ZNF696: variants seen among roughly 807,000 people sequenced by gnomAD.
ZNF696 encodes the protein zinc finger protein 696.
Under a neutral mutation model 12.3 loss-of-function variants are expected in ZNF696, and 10 were observed. The observed-to-expected ratio is 0.81, with a 90% CI of 0.50 to 1.38. ZNF696 has a LOEUF of 1.38. Ranked by LOEUF, ZNF696 falls within the 40% of genes most tolerant of loss-of-function variation. ZNF696 has a pLI of 0.00. For missense variants in ZNF696, 675 were observed against 554.7 expected (o/e 1.22, Z -2.18); for synonymous variants, 304 against 243.9 (o/e 1.25, Z -2.29).
In ZNF696 at chr8:143,296,467, G is replaced by A. The variant is rs761289916; in HGVS notation, c.792G>A (p.Pro264=). 6 of 1,603,774 alleles carry A rather than the reference G, an allele frequency of 3.7e-6. No homozygotes were observed. The highest frequency in any genetic ancestry group is 5.1e-6 in the Non-Finnish European group (6 of 1,177,690). ...GGCGGACCCACCACGGGGAGAACCC[G>A]TACGAGTGCCGGGAGTGCGGCCAGG... The part of the protein sequence containing the change: ...RHRRTHHGEN[P]YECRECGQAF... The change falls in exon 3 of 3, where the codon CCG becomes CCA. Residue 264 remains proline, a synonymous_variant. Transcript: ENST00000330143.
chr8:143,295,580 T>TA (rs941977241), intron 2 of ZNF696, 160 bp from the exon 3 acceptor site: 142 of 825,492 alleles, frequency 1.7e-4, no homozygotes, highest in Non-Finnish European at 2.3e-4. Flanking sequence ...AGAAAAAAAC[T>TA]AAAAAAAACG....
Position 143,296,181 on chromosome 8 carries a change from TCCGGCACCAG to T in ZNF696, c.508_517del (p.Arg170GlyfsTer188). On this transcript the variant is annotated frameshift_variant, in exon 3 of 3. Transcript: ENST00000330143. LOFTEE classifies it high-confidence loss of function. ...GCCTTCATCCACAGCTCGCACGTGG[TCCGGCACCAG>T]CGGGCGCACAGCGGGGAGAGGCCCT... 1 of 1,605,406 alleles carries T rather than the reference TCCGGCACCAG, an allele frequency of 6.2e-7. No individual in the cohort carries two copies.
At chr8:143,294,746 AGTT>A (rs1815679613) in intron 2 of ZNF696, among the ~76,000 whole-genome samples, 1 of 151,602 alleles carries the variant, frequency 6.6e-6, no homozygotes, top group African/African-American at 2.4e-5. Flanking sequence ...GTTTGGGGGC[AGTT>A]GTTAAGGAGT....
At position 143,293,312 on chromosome 8, in the gene ZNF696, GTC is replaced by G. The variant is rs1271302595; in HGVS notation, c.64+256_64+257del. 19 of 575,542 alleles carry G rather than the reference GTC, an allele frequency of 3.3e-5. No homozygotes were observed. In the East Asian group the frequency reaches 4.8e-4, roughly 15 times the overall value. 35.7% of individuals were successfully genotyped at this position (575,542 alleles called of 1,614,324 possible). A position where few individuals can be genotyped will look rare whatever the true frequency, so the allele number is the denominator to read the frequency against. On this transcript the variant is annotated intron_variant, in intron 2 of 2. Transcript: ENST00000330143. ...AGCCCCAGGCTCTGCCTCTGGGAAG[GTC>G]TCTCTCTCAGTGCTTCTCCACCTTG...
Position 143,296,353 on chromosome 8 carries a change from G to T in ZNF696, c.678G>T (p.Lys226Asn). The change falls in exon 3 of 3, where the codon AAG (lysine) becomes AAT (asparagine). Residue 226 changes from lysine to asparagine, a missense_variant. Physicochemically the swap from Lys to Asn is moderately conservative, Grantham distance 94. Coordinates refer to ENST00000330143, the MANE Select transcript of ZNF696 (RefSeq NM_030895.3). ...KAFGQRSDAA[K>N]HRRTHTGERL... is the part of the protein sequence containing the mutation. The stretch of plus-strand genomic sequence containing the variant: ...TCGGCCAGAGGTCGGACGCCGCCAA[G>T]CACCGCCGCACCCACACCGGGGAGA... 1 of 1,590,750 alleles carries T rather than the reference G, an allele frequency of 6.3e-7. No homozygotes were observed.
At position 143,296,713 on chromosome 8, in the gene ZNF696, G is replaced by C; in HGVS notation, c.1038G>C (p.Glu346Asp). 1 of 1,555,470 alleles carries C rather than the reference G, an allele frequency of 6.4e-7. No homozygotes were observed. The highest frequency in any genetic ancestry group is 1.4e-5 in the African/African-American group (1 of 72,642). ...GGCACCAGCGACTCCACACGGGCGA[G>C]AAGCCGTTCCGCTGCACCGAGTGCG... ...FFRHQRLHTG[E>D]KPFRCTECGR... The change falls in exon 3 of 3, where the codon GAG becomes GAC. Residue 346 changes from glutamate (E) to aspartate (D), a missense_variant. By Grantham distance (45) the Glu-to-Asp change is conservative. Transcript: ENST00000330143.
At chr8:143,295,304 A>G (rs917248234) in intron 2 of ZNF696, 33 of 455,838 alleles carry the variant, frequency 7.2e-5, no homozygotes, top group South Asian at 1.9e-4. Flanking sequence ...GGCCGAGGCT[A>G]GAGGTTTAGC....
chr8:143,294,216 T>C (rs1815670351), intron 2 of ZNF696, among the ~76,000 whole-genome samples: 1 of 152,160 alleles, frequency 6.6e-6, no homozygotes, highest in Non-Finnish European at 1.5e-5. Context: ...GGCCACATGG[T>C]CTGTCCCTGT....
At position 143,296,701 on chromosome 8, in the gene ZNF696, C is replaced by T. The variant is rs1426871534; in HGVS notation, c.1026C>T (p.Leu342=). Residue 342 remains leucine, a synonymous_variant, in exon 3 of 3, where the codon CTC becomes CTT. Coordinates refer to ENST00000330143, the MANE Select transcript of ZNF696 (RefSeq NM_030895.3). ...CGGGCTTCTTCCGGCACCAGCGACT[C>T]CACACGGGCGAGAAGCCGTTCCGCT... is the stretch of plus-strand genomic sequence containing the variant. ...ALSGFFRHQR[L]HTGEKPFRCT... 20 of 1,556,628 alleles carry T rather than the reference C, an allele frequency of 1.3e-5. No individual in the cohort carries two copies. Among genetic ancestry groups the T allele is most frequent in the Non-Finnish European group, 1.7e-5 (20 of 1,159,938 alleles).
chr8:143,296,249 C>T lies in ZNF696; in HGVS notation c.574C>T (p.Gln192Ter). The T allele has an allele frequency of 6.3e-7, 1 of 1,597,546 alleles. No individual in the cohort carries two copies. The highest frequency in any genetic ancestry group is 8.5e-7 in the Non-Finnish European group (1 of 1,175,654). The change falls in exon 3 of 3, where the codon CAG becomes TAG. Residue 192 changes from glutamine (Q) to a stop codon, truncating the protein, a stop_gained. Coordinates refer to ENST00000330143, the MANE Select transcript of ZNF696 (RefSeq NM_030895.3). LOFTEE classifies it high-confidence loss of function. Reference protein sequence around the residue: ...ACAECGKAFGQSFNLLRHQRV... With the variant: ...ACAECGKAFG ...CGCCGAGTGCGGCAAGGCCTTCGGC[C>T]AGAGCTTCAACCTCCTCCGGCACCA...
chr8:143,296,262 T>A lies in ZNF696; in HGVS notation c.587T>A (p.Leu196His), dbSNP rs752130687. ...AAGGCCTTCGGCCAGAGCTTCAACC[T>A]CCTCCGGCACCAGCGCGTGCACACG... ...CGKAFGQSFN[L>H]LRHQRVHTGE... The change falls in exon 3 of 3, where the codon CTC (leucine) becomes CAC (histidine). Residue 196 changes from leucine to histidine, a missense_variant. Leu to His is a moderately conservative substitution (Grantham distance 99). Coordinates refer to ENST00000330143, the MANE Select transcript of ZNF696 (RefSeq NM_030895.3). 6 of 1,597,478 alleles carry A rather than the reference T, an allele frequency of 3.8e-6. No individual in the cohort carries two copies. The South Asian group carries it at 4.4e-5, about 12-fold the overall frequency.
Position 143,296,155 on chromosome 8 carries a change from G to A in ZNF696, c.480G>A (p.Lys160=), listed in dbSNP as rs11991521. ...CGTACGAGTGCAGCGACTGCGGGAA[G>A]GCCTTCATCCACAGCTCGCACGTGG... ...EKPYECSDCG[K]AFIHSSHVVR... is the part of the protein sequence containing the mutation. Residue 160 remains lysine (K), a synonymous_variant, in exon 3 of 3, where the codon AAG becomes AAA. Transcript: ENST00000330143. The A allele has an allele frequency of 7.1e-4, 1,148 of 1,609,158 alleles. 8 individuals are homozygous for A. The African/African-American group carries it at 0.014, about 19-fold the overall frequency.
chr8:143,299,673 G>C lies in ZNF696; in HGVS notation c.*2873G>C, dbSNP rs574390021. On this transcript the variant is annotated 3_prime_UTR_variant, in exon 3 of 3. Coordinates refer to ENST00000330143, the MANE Select transcript of ZNF696 (RefSeq NM_030895.3). The stretch of plus-strand genomic sequence containing the variant: ...CTTCTGTCAATTAAAAAATAAGAAC[G>C]AAATCAGGCTGGGCCTGAGCGCTGT... Among the ~76,000 whole-genome samples the C allele has an allele frequency of 1.5e-3, 225 of 152,280 alleles. No individual in the cohort carries two copies. Among genetic ancestry groups the C allele is most frequent in the African/African-American group, 5.2e-3 (215 of 41,544 alleles).
At position 143,298,970 on chromosome 8, in the gene ZNF696, G is replaced by A. The variant is rs1000917159; in HGVS notation, c.*2170G>A. On this transcript the variant is annotated 3_prime_UTR_variant, in exon 3 of 3. Transcript: ENST00000330143. ...AGGTCAGGAGTTTGAGACCACCCTG[G>A]CCAACATGGCAAAACCCCATTTCTA... Among the ~76,000 whole-genome samples the A allele has an allele frequency of 1.3e-5, 2 of 152,094 alleles. No homozygotes were observed. Among genetic ancestry groups the A allele is most frequent in the Non-Finnish European group, 2.9e-5 (2 of 68,010 alleles).
In ZNF696 at chr8:143,296,666, C is replaced by CG; in HGVS notation, c.994dup (p.Ala332GlyfsTer168). ...GTGCGGCCACTGCGGGCGCGCGTTC[C>CG]GGGCGCTGTCGGGCTTCTTCCGGCA... On this transcript the variant is annotated frameshift_variant, in exon 3 of 3. Transcript: ENST00000330143. LOFTEE classifies it high-confidence loss of function. The CG allele has an allele frequency of 6.4e-7, 1 of 1,568,804 alleles. No homozygotes were observed. The highest frequency in any genetic ancestry group is 1.1e-5 in the South Asian group (1 of 87,206).
rs1035581612 is a variant in ZNF696 at position 143,291,445 on chromosome 8, C to T, written c.-353C>T. The stretch of plus-strand genomic sequence containing the variant: ...GCGGGTGCAGTCCAGCTGCTCTGGA[C>T]GCTGAGGCCCCGGCTTCTCTTGCTG... On this transcript the variant is annotated 5_prime_UTR_variant, in exon 1 of 3. In the 5' UTR this introduces an upstream ATG that the reference lacks. Coordinates refer to ENST00000330143, the MANE Select transcript of ZNF696 (RefSeq NM_030895.3). The T allele has an allele frequency of 3.2e-5, 32 of 985,444 alleles. No individual in the cohort carries two copies. The highest frequency in any genetic ancestry group is 6.1e-5 in the Admixed American group (1 of 16,272). The allele number at this position is 985,444 out of a possible 1,614,324, so 61.0% of individuals were successfully genotyped here.
intron 2 of ZNF696, among the ~76,000 whole-genome samples, chr8:143,294,700 C>T (rs1053284313): frequency 4.6e-5 from 7 of 152,090 alleles, no homozygotes; most frequent in African/African-American, 1.7e-4. Context: ...TGAGGACGCT[C>T]CTGTTTGCAC....
intron 2 of ZNF696, among the ~76,000 whole-genome samples, chr8:143,294,675 G>A (rs1001892198): frequency 3.9e-5 from 6 of 152,200 alleles, no homozygotes; most frequent in Non-Finnish European, 2.9e-5. Context: ...CTCTTGGTCC[G>A]GATTTCTGTC....
At position 143,298,690 on chromosome 8, in the gene ZNF696, GCAGT is replaced by G. The variant is rs1402711312; in HGVS notation, c.*1895_*1898del. 2.6e-5 allele frequency among the ~76,000 whole-genome samples: 4 copies of G among 152,336 alleles called. No individual in the cohort carries two copies. Among genetic ancestry groups the G allele is most frequent in the Admixed American group, 2.0e-4 (3 of 15,308 alleles). On this transcript the variant is annotated 3_prime_UTR_variant, in exon 3 of 3. Coordinates refer to ENST00000330143, the MANE Select transcript of ZNF696 (RefSeq NM_030895.3). Reference sequence around the variant, plus strand: ...TGTGTGAGGTGTTCAAAGAAGTCGCGCAGTCAGTGATGAGAAAGCTGTAGGGTAC... The same window carrying G: ...TGTGTGAGGTGTTCAAAGAAGTCGCGCAGTGATGAGAAAGCTGTAGGGTAC...
Sources: allele counts gnomAD v4.1 joint callset (sites outside exome capture counted in the v4.1 genomes callset), GRCh38; gene constraint gnomAD v4.1.1; transcripts MANE v1.5; gene names NCBI Gene and HGNC (gene_info 2026-07-23, HGNC 2026-07-21).